ZCCHC14: variants seen among roughly 807,000 people sequenced by gnomAD.
ZCCHC14 encodes zinc finger CCHC domain-containing protein 14.
Under a neutral mutation model 85.0 loss-of-function variants are expected in ZCCHC14, and 16 were observed. The ratio of observed to expected loss-of-function variants is 0.19; its 90% CI spans 0.13 to 0.29. The LOEUF (loss-of-function observed/expected upper bound fraction) is 0.29. ZCCHC14 is among the 10% of genes least tolerant of loss of function. The pLI is 1.00. For synonymous variants in ZCCHC14, 775 were observed against 630.7 expected (o/e 1.23, Z -3.43); for missense variants, 1,303 against 1,443.5 (o/e 0.90, Z 1.58).
rs35809943 is a variant in ZCCHC14, at chr16:87,414,158, G to A, written c.1603+256C>T. 3.4e-5 allele frequency among the ~76,000 whole-genome samples: 4 copies of A among 119,334 alleles called. No individual in the cohort carries two copies. In the East Asian group the frequency reaches 1.7e-3, roughly 51 times the overall value. 78.3% of individuals were successfully genotyped at this position (119,334 alleles called of 152,430 possible). The stretch of plus-strand genomic sequence containing the variant: ...CGAGTAACCCACCTGCCCGGCACAC[G>A]GGCCCTCTCTGTGTACGAGTAACCC... On this transcript the variant is annotated intron_variant, in intron 10 of 12. Transcript: ENST00000671377.
At chr16:87,474,745 A>G (rs1911924945) in intron 1 of ZCCHC14, among the ~76,000 whole-genome samples, 1 of 152,202 alleles carries the variant, frequency 6.6e-6, no homozygotes, top group African/African-American at 2.4e-5. Context: ...AGATGATCGC[A>G]GCTGGAAAGC....
intron 11 of ZCCHC14, 29 bp from the exon 12 acceptor site, chr16:87,413,005 C>T: frequency 6.2e-7 from 1 of 1,613,940 alleles, no homozygotes; most frequent in Non-Finnish European, 8.5e-7. Context: ...GTGGTCAGTG[C>T]CATTCCACAG....
Position 87,412,028 on chromosome 16 carries a change from G to T in ZCCHC14, c.2693C>A (p.Pro898Gln). ...GSTGNIPASNPNHHHHHHHQQ... is the reference protein window; with the variant it reads ...GSTGNIPASNQNHHHHHHHQQ... Reference sequence around the variant, plus strand: ...ATGGTGGTGGTGGTGGTGGTGGTTCGGATTCGAGGCAGGAATGTTTCCTGT... The same window carrying T: ...ATGGTGGTGGTGGTGGTGGTGGTTCTGATTCGAGGCAGGAATGTTTCCTGT... The change falls in exon 12 of 13, where the codon CCG (proline) becomes CAG (glutamine). Residue 898 changes from proline (P) to glutamine (Q), a missense_variant. Physicochemically the swap from Pro to Gln is moderately conservative, Grantham distance 76. Coordinates refer to ENST00000671377, the MANE Select transcript of ZCCHC14 (RefSeq NM_015144.3). 6.2e-7 allele frequency: 1 copy of T among 1,609,088 alleles called. No homozygotes were observed.
At chr16:87,422,919 T>C (rs899182367) in intron 4 of ZCCHC14, among the ~76,000 whole-genome samples, 8 of 151,816 alleles carry the variant, frequency 5.3e-5, no homozygotes, top group Non-Finnish European at 8.8e-5. Context: ...GGGGGGTGTG[T>C]GTTACCCTCG....
At chr16:87,428,119 G>C (rs772224816) in intron 3 of ZCCHC14, among the ~76,000 whole-genome samples, 49 of 151,980 alleles carry the variant, frequency 3.2e-4, no homozygotes, top group Middle Eastern at 3.2e-3. Context: ...AGGAACTAGC[G>C]ATTATAATTT....
rs184888985 is a variant in ZCCHC14, at chr16:87,463,342, A to G, written c.571-3211T>C. 2.2e-4 allele frequency among the ~76,000 whole-genome samples: 33 copies of G among 152,154 alleles called. No homozygotes were observed. The East Asian group carries it at 5.3e-3, about 24-fold the overall frequency. On this transcript the variant is annotated intron_variant, in intron 1 of 12. Transcript: ENST00000671377. ...AGCTGCAGTGAGGTATGATCATATC[A>G]GTGCACTCCAGCCTGGGCGATAGCG...
In ZCCHC14 at chr16:87,491,069, A is replaced by G. The variant is rs909025975; in HGVS notation, c.570+600T>C. Among the ~76,000 whole-genome samples, 23 of 152,358 alleles carry G rather than the reference A, an allele frequency of 1.5e-4. No individual in the cohort carries two copies. Among genetic ancestry groups the G allele is most frequent in the African/African-American group, 5.5e-4 (23 of 41,588 alleles). On this transcript the variant is annotated intron_variant, in intron 1 of 12. Coordinates refer to ENST00000671377, the MANE Select transcript of ZCCHC14 (RefSeq NM_015144.3). This position sits in a 1 kb window ranked among gnomAD's most constrained non-coding sequence, Gnocchi z 5.9. Reference sequence around the variant, plus strand: ...GGTAATAAATACCAGATTTGGGGAAACCAAGGCGCCGCAATGTGTGTTATC... The same window carrying G: ...GGTAATAAATACCAGATTTGGGGAAGCCAAGGCGCCGCAATGTGTGTTATC...
At chr16:87,452,476 A>G (rs1910751964) in intron 2 of ZCCHC14, among the ~76,000 whole-genome samples, 1 of 152,132 alleles carries the variant, frequency 6.6e-6, no homozygotes, top group African/African-American at 2.4e-5. Flanking sequence ...GGCTTGGGTA[A>G]GACGGCTCAG....
At position 87,407,565 on chromosome 16, in the gene ZCCHC14, C is replaced by T. The variant is rs1297760973; in HGVS notation, c.*2715G>A. 1 of 152,188 alleles carries T rather than the reference C, an allele frequency of 6.6e-6. No individual in the cohort carries two copies. Among genetic ancestry groups the T allele is most frequent in the East Asian group, 1.9e-4 (1 of 5,192 alleles). The allele number at this position is 152,188 out of a possible 1,614,324, so 9.4% of individuals were successfully genotyped here. On this transcript the variant is annotated 3_prime_UTR_variant, in exon 13 of 13. Coordinates refer to ENST00000671377, the MANE Select transcript of ZCCHC14 (RefSeq NM_015144.3). ...TCCAAACATCACGTTCTGCTTCCATCTCTACATTCCACTTTCCCCATTCTT... is the reference window on the plus strand; with the variant it reads ...TCCAAACATCACGTTCTGCTTCCATTTCTACATTCCACTTTCCCCATTCTT...
rs891937988 is a variant in ZCCHC14 at position 87,414,496 on chromosome 16, C to A, written c.1521G>T (p.Leu507=). The change falls in exon 10 of 13, where the codon CTG becomes CTT. Residue 507 remains leucine, a synonymous_variant. Coordinates refer to ENST00000671377, the MANE Select transcript of ZCCHC14 (RefSeq NM_015144.3). ...CTCGAGCCACACCACTGCTGGTGAC[C>A]AGCGGCGGGGCCGAGGGGTTCAGGC... ...RRCLNPSAPP[L]VTSSGVARVP... 4 of 1,613,094 alleles carry A rather than the reference C, an allele frequency of 2.5e-6. No individual in the cohort carries two copies. The highest frequency in any genetic ancestry group is 3.4e-6 in the Non-Finnish European group (4 of 1,179,722).
chr16:87,417,626 C>T lies in ZCCHC14; in HGVS notation c.1217G>A (p.Gly406Asp), dbSNP rs755313966. The T allele has an allele frequency of 6.2e-7, 1 of 1,614,114 alleles. No homozygotes were observed. The highest frequency in any genetic ancestry group is 8.5e-7 in the Non-Finnish European group (1 of 1,180,006). The change falls in exon 8 of 13, where the codon GGC (glycine) becomes GAC (aspartate). Residue 406 changes from glycine to aspartate, a missense_variant. Gly to Asp is a moderately conservative substitution (Grantham distance 94). Coordinates refer to ENST00000671377, the MANE Select transcript of ZCCHC14 (RefSeq NM_015144.3). ...CTGGGTCCGGTAGGCCAGGGCTGAGCCCGCGCTGCCCGCATGGGAGCAGTG... is the reference window on the plus strand; with the variant it reads ...CTGGGTCCGGTAGGCCAGGGCTGAGTCCGCGCTGCCCGCATGGGAGCAGTG... The part of the protein sequence containing the change: ...LPHCSHAGSA[G>D]SALAYRTQMD...
chr16:87,455,599 A>G (rs1304704095), intron 2 of ZCCHC14, among the ~76,000 whole-genome samples: 2 of 152,310 alleles, frequency 1.3e-5, no homozygotes, highest in Admixed American at 6.5e-5. Flanking sequence ...TGAGAAAACC[A>G]TCACTCAAAT....
intron 2 of ZCCHC14, among the ~76,000 whole-genome samples, chr16:87,435,698 CCTCCAGGGAACCTCGTGCAT>C (rs1198484259): frequency 1.3e-5 from 2 of 152,396 alleles, no homozygotes; most frequent in African/African-American, 4.8e-5. Flanking sequence ...ACCACCTGCT[CCTCCAGGGAACCTCGTGCAT>C]CTCACGGATG....
At chr16:87,429,615 T>C (rs2150735423) in intron 3 of ZCCHC14, among the ~76,000 whole-genome samples, 1 of 151,732 alleles carries the variant, frequency 6.6e-6, no homozygotes, top group South Asian at 2.1e-4. Context: ...ACACTATCTC[T>C]TTTTTTTTCC....
In ZCCHC14 at chr16:87,491,591, G is replaced by A; in HGVS notation, c.570+78C>T. On this transcript the variant is annotated intron_variant, in intron 1 of 12. Coordinates refer to ENST00000671377, the MANE Select transcript of ZCCHC14 (RefSeq NM_015144.3). This position sits in a 1 kb window ranked among gnomAD's most constrained non-coding sequence, Gnocchi z 5.9. ...TGGAGGCGTGGGTCGGGGGGTCGCG[G>A]TGCAGGCTGGAGGCTTGGAGTGCAG... The A allele has an allele frequency of 7.7e-7, 1 of 1,290,830 alleles. No homozygotes were observed. The highest frequency in any genetic ancestry group is 1.6e-5 in the African/African-American group (1 of 63,806). 80.0% of individuals were successfully genotyped at this position (1,290,830 alleles called of 1,614,324 possible). A position where few individuals can be genotyped will look rare whatever the true frequency, so the allele number is the denominator to read the frequency against.
chr16:87,458,714 G>A (rs1486744381), intron 2 of ZCCHC14, among the ~76,000 whole-genome samples: 2 of 152,188 alleles, frequency 1.3e-5, no homozygotes, highest in Non-Finnish European at 2.9e-5. Flanking sequence ...GGTGCGGGGC[G>A]GTTGGGGGAG....
intron 7 of ZCCHC14, among the ~76,000 whole-genome samples, chr16:87,418,522 G>C (rs1287437962): frequency 6.6e-6 from 1 of 152,244 alleles, no homozygotes; most frequent in Admixed American, 6.5e-5. Context: ...CGTGCGGACA[G>C]AGGACGCTCC....
rs1311627266 is a variant in ZCCHC14, at chr16:87,491,295, G to A, written c.570+374C>T. On this transcript the variant is annotated intron_variant, in intron 1 of 12. Coordinates refer to ENST00000671377, the MANE Select transcript of ZCCHC14 (RefSeq NM_015144.3). The surrounding 1 kb of genome is among the most constrained non-coding windows in gnomAD (Gnocchi z 5.9). ...AGGTGTGGAGGCTTTGGGGCACGCA[G>A]AGGGGACTGAGGGTGTGGGCTCAGG... is the stretch of plus-strand genomic sequence containing the variant. Among the ~76,000 whole-genome samples, 3 of 152,244 alleles carry A rather than the reference G, an allele frequency of 2.0e-5. No homozygotes were observed. Among genetic ancestry groups the A allele is most frequent in the East Asian group, 3.9e-4 (2 of 5,182 alleles).
intron 4 of ZCCHC14, 56 bp downstream of exon 4, chr16:87,423,754 C>A: frequency 1.3e-6 from 2 of 1,585,544 alleles, no homozygotes; most frequent in Non-Finnish European, 1.7e-6. Flanking sequence ...GTGGTATCAT[C>A]AGCCACTGGG....
Sources: allele counts gnomAD v4.1 joint callset (sites outside exome capture counted in the v4.1 genomes callset), GRCh38; gene constraint gnomAD v4.1.1; non-coding constraint Gnocchi (gnomAD v3.1); transcripts MANE v1.5; gene names NCBI Gene and HGNC (gene_info 2026-07-23, HGNC 2026-07-21).